Variants in SUN1 observed in about 807,000 individuals in gnomAD.
SUN1 encodes the protein Sad1 and UNC84 domain containing 1.
Under a neutral mutation model 103.2 loss-of-function variants are expected in SUN1, and 61 were observed. That is an observed-to-expected ratio of 0.59 (90% CI 0.48 to 0.73). SUN1 has a LOEUF of 0.73. Among genes scored for constraint, SUN1 ranks in the 30% least tolerant of loss-of-function variants. SUN1 has a pLI of 0.00. For synonymous variants in SUN1, 490 were observed against 425.7 expected (o/e 1.15, Z -1.86); for missense variants, 1,052 against 1,034.6 (o/e 1.02, Z -0.23).
rs1827327651 is a variant in SUN1 at position 856,406 on chromosome 7, G to A, written c.1394+5G>A. 6.2e-7 allele frequency: 1 copy of A among 1,613,926 alleles called. No homozygotes were observed. The highest frequency in any genetic ancestry group is 1.1e-5 in the South Asian group (1 of 91,084). On this transcript the variant is annotated splice_donor_5th_base_variant and intron_variant, in intron 12 of 18. Transcript: ENST00000401592. ...GACCAAGCAAAAAACAATCAGGTAG[G>A]AGGATTTGGAAAACATTCACTTTTG...
rs541487561 is a variant in SUN1, at chr7:842,041, C to T, written c.362C>T (p.Thr121Ile). Residue 121 changes from threonine (T) to isoleucine (I), a missense_variant, in exon 3 of 19, where the codon ACT becomes ATT. Thr to Ile is a moderately conservative substitution (Grantham distance 89). Around this residue, in one of 2 missense-constraint regions of SUN1, gnomAD observed 846 missense variants for 774.5 expected, o/e 1.09. Coordinates refer to ENST00000401592, the MANE Select transcript of SUN1 (RefSeq NM_001130965.3). ...VTSSGVSHGGTVSLQDAVTRR... is the reference protein window; with the variant it reads ...VTSSGVSHGGIVSLQDAVTRR... ...TCCTCTGGCGTCAGCCACGGCGGCA[C>T]TGTCAGCCTGCAGGATGCTGTGACT... 1 of 1,614,238 alleles carries T rather than the reference C, an allele frequency of 6.2e-7. No individual in the cohort carries two copies. The highest frequency in any genetic ancestry group is 2.2e-5 in the East Asian group (1 of 44,888).
At chr7:869,579 C>G in intron 17 of SUN1, 63 bp downstream of exon 17, 1 of 1,577,992 alleles carries the variant, frequency 6.3e-7, no homozygotes, top group East Asian at 2.3e-5. Flanking sequence ...CAGATGAAAG[C>G]AAGTGACGTG....
intron 18 of SUN1, 24 bp downstream of exon 18, chr7:872,586 C>T: frequency 1.3e-6 from 2 of 1,548,540 alleles, no homozygotes; most frequent in Non-Finnish European, 1.8e-6. Context: ...CTGGCACTGC[C>T]TGGGGTCTCT....
At chr7:827,444 G>A (rs548231972) in intron 1 of SUN1, among the ~76,000 whole-genome samples, 4 of 150,596 alleles carry the variant, frequency 2.7e-5, no homozygotes, top group African/African-American at 9.8e-5. Flanking sequence ...GATATGGAGA[G>A]TAGGACTAAA....
At chr7:859,811 C>T (rs940438385) in intron 13 of SUN1, among the ~76,000 whole-genome samples, 5 of 152,160 alleles carry the variant, frequency 3.3e-5, no homozygotes, top group Non-Finnish European at 7.3e-5. Context: ...CTGTGCGCCT[C>T]GCTGCGGGGT....
Position 841,950 on chromosome 7 carries a change from A to G in SUN1, c.271A>G (p.Thr91Ala), listed in dbSNP as rs2128296452. The G allele has an allele frequency of 1.9e-6, 3 of 1,614,134 alleles. No individual in the cohort carries two copies. The highest frequency in any genetic ancestry group is 2.5e-6 in the Non-Finnish European group (3 of 1,180,044). The change falls in exon 3 of 19, where the codon ACA becomes GCA. Residue 91 changes from threonine to alanine, a missense_variant. By Grantham distance (58) the Thr-to-Ala change is moderately conservative. Around this residue, in one of 2 missense-constraint regions of SUN1, gnomAD observed 846 missense variants for 774.5 expected, o/e 1.09. Transcript: ENST00000401592. ...GCTGTTTTTTTTTCTTCTTAGAACA[A>G]CAAAACAGCGCAGAAGCACAAACAA... ...VSLKNRAARTTKQRRSTNKSA... is the reference protein window; with the variant it reads ...VSLKNRAARTAKQRRSTNKSA...
At chr7:862,633 C>G (rs1270866467) in intron 15 of SUN1, among the ~76,000 whole-genome samples, 1 of 152,164 alleles carries the variant, frequency 6.6e-6, no homozygotes, top group Non-Finnish European at 1.5e-5. Context: ...ATGAACCATA[C>G]AGTTTGGGCC....
At chr7:824,618 G>T (rs1789607048) in intron 1 of SUN1, among the ~76,000 whole-genome samples, 1 of 152,196 alleles carries the variant, frequency 6.6e-6, no homozygotes, top group Non-Finnish European at 1.5e-5. Context: ...AAAAGATTCA[G>T]TGCCCTTATG....
At chr7:848,582 G>T in intron 5 of SUN1, 1 of 1,350,170 alleles carries the variant, frequency 7.4e-7, no homozygotes, top group Non-Finnish European at 9.8e-7. Flanking sequence ...TTGTGAATCC[G>T]AAAGCTATAA....
Position 846,584 on chromosome 7 carries a change from T to TA in SUN1, c.658+3070dup, listed in dbSNP as rs553285257. Among the ~76,000 whole-genome samples, 231 of 151,458 alleles carry TA rather than the reference T, an allele frequency of 1.5e-3. 1 individual carries two copies. The highest frequency in any genetic ancestry group is 2.7e-3 in the South Asian group (13 of 4,790). On this transcript the variant is annotated intron_variant, in intron 5 of 18. Transcript: ENST00000401592. ...TGAGACCTGTCTCAAATAAATAAAT[T>TA]AAAAAATAGGCTGGGTACTGTGGCT...
At chr7:837,501 A>T (rs10271116) in intron 1 of SUN1, among the ~76,000 whole-genome samples, 1,652 of 152,308 alleles carry the variant, frequency 0.011, 20 homozygotes, top group Middle Eastern at 0.027. Flanking sequence ...AGAACAGTGC[A>T]TAACTAATCA....
At chr7:822,631 G>C (rs1418892945) in intron 1 of SUN1, among the ~76,000 whole-genome samples, 2 of 117,414 alleles carry the variant, frequency 1.7e-5, no homozygotes, top group Non-Finnish European at 3.6e-5. Flanking sequence ...GCTACAAACT[G>C]AAAAGTATTC....
intron 13 of SUN1, among the ~76,000 whole-genome samples, chr7:859,605 G>T (rs188520080): frequency 6.6e-6 from 1 of 152,326 alleles, no homozygotes; most frequent in Admixed American, 6.5e-5. Context: ...GAACGGTCGT[G>T]TCCTAGGAGG....
At chr7:844,485 G>A (rs1454415105) in intron 5 of SUN1, among the ~76,000 whole-genome samples, 2 of 152,234 alleles carry the variant, frequency 1.3e-5, no homozygotes, top group Non-Finnish European at 2.9e-5. Context: ...GCGACAGGAC[G>A]AAGGCTTCTG....
intron 15 of SUN1, among the ~76,000 whole-genome samples, chr7:864,196 C>T (rs1227804376): frequency 6.6e-6 from 1 of 151,954 alleles, no homozygotes; most frequent in Non-Finnish European, 1.5e-5. Context: ...ATGGGGTACC[C>T]ATCCCCTCCA....
At chr7:818,144 T>C (rs1367710927) in intron 1 of SUN1, among the ~76,000 whole-genome samples, 2 of 152,230 alleles carry the variant, frequency 1.3e-5, no homozygotes, top group African/African-American at 2.4e-5. Flanking sequence ...ACATAACTTT[T>C]TCATCATCCC....
intron 17 of SUN1, among the ~76,000 whole-genome samples, chr7:870,785 G>T (rs973889080): frequency 6.6e-6 from 1 of 152,012 alleles, no homozygotes; most frequent in African/African-American, 2.4e-5. Context: ...AATTCCCGTG[G>T]ACGAGACACT....
chr7:856,609 G>A (rs1332625080), intron 12 of SUN1, among the ~76,000 whole-genome samples: 2 of 152,168 alleles, frequency 1.3e-5, no homozygotes, highest in East Asian at 3.9e-4. Context: ...CCTCCACGCG[G>A]CGTGGACCTC....
intron 1 of SUN1, among the ~76,000 whole-genome samples, chr7:818,025 A>G (rs971765559): frequency 1.3e-5 from 2 of 151,980 alleles, no homozygotes; most frequent in Non-Finnish European, 2.9e-5. Flanking sequence ...CTCCTTTAAA[A>G]TTTGTAATAT....
Sources: allele counts gnomAD v4.1 joint callset (sites outside exome capture counted in the v4.1 genomes callset), GRCh38; gene constraint gnomAD v4.1.1; regional missense constraint gnomAD v4.1.1; transcripts MANE v1.5; gene names NCBI Gene and HGNC (gene_info 2026-07-23, HGNC 2026-07-21).